GOLGA3: variants seen among roughly 807,000 people sequenced by gnomAD.
The protein encoded by GOLGA3 is golgin subfamily A member 3.
GOLGA3 carries 75 observed loss-of-function variants against 169.4 expected under a neutral mutation model. That is an observed-to-expected ratio of 0.44 (90% CI 0.37 to 0.54). The LOEUF (loss-of-function observed/expected upper bound fraction) is 0.54, where lower values mean the gene tolerates loss of function less well. Ranked by LOEUF, GOLGA3 falls within the 20% of genes least tolerant of loss-of-function variation. The pLI, the probability that GOLGA3 is intolerant of heterozygous loss-of-function variation, is 0.00. For missense variants in GOLGA3, 1,899 were observed against 1,930.0 expected, an observed-to-expected ratio of 0.98 and a Z score of 0.30; for synonymous variants, 824 against 822.4, an observed-to-expected ratio of 1.00 and a Z score of -0.03.
intron 4 of GOLGA3, among the ~76,000 whole-genome samples, chr12:132,812,204 CACACACACAT>C (rs1390069966): frequency 2.5e-5 from 3 of 118,780 alleles, no homozygotes; most frequent in African/African-American, 8.2e-5. Flanking sequence ...CACACACACA[CACACACACAT>C]ATATATATAT....
intron 18 of GOLGA3, among the ~76,000 whole-genome samples, chr12:132,779,069 T>G (rs1294232011): frequency 6.6e-6 from 1 of 152,254 alleles, no homozygotes; most frequent in African/African-American, 2.4e-5. Flanking sequence ...ACTGCTCCTG[T>G]TAAAATATTC....
Position 132,796,256 on chromosome 12 carries a change from A to T in GOLGA3, c.2101-36T>A, listed in dbSNP as rs780961705. On this transcript the variant is annotated intron_variant, in intron 10 of 23. Coordinates refer to ENST00000450791, the MANE Select transcript of GOLGA3 (RefSeq NM_001389683.1). ...AATGAAGCCCACATGGCTGCGCCTG[A>T]CCCTCCTCCGAGAGCGTATGCCCTT... 1.9e-6 allele frequency: 3 copies of T among 1,550,730 alleles called. No homozygotes were observed. In the Admixed American group the frequency reaches 5.5e-5, roughly 29 times the overall value.
Position 132,773,024 on chromosome 12 carries a change from A to G in GOLGA3, c.*81T>C. 2.8e-6 allele frequency: 3 copies of G among 1,068,474 alleles called. No homozygotes were observed. Among genetic ancestry groups the G allele is most frequent in the South Asian group, 1.7e-5 (1 of 58,116 alleles). The allele number at this position is 1,068,474 out of a possible 1,614,324, so 66.2% of individuals were successfully genotyped here. A position where few individuals can be genotyped will look rare whatever the true frequency, so the allele number is the denominator to read the frequency against. On this transcript the variant is annotated 3_prime_UTR_variant, in exon 24 of 24. Transcript: ENST00000450791. ...AAAACTTAAATTTCATGTCTTAGAA[A>G]AACATCGACCACACAATCAAATAAA...
In GOLGA3 at chr12:132,808,359, GT is replaced by G. The variant is rs143503197; in HGVS notation, c.709del (p.Thr237LeufsTer37). 6.2e-7 allele frequency: 1 copy of G among 1,614,076 alleles called. No homozygotes were observed. The highest frequency in any genetic ancestry group is 8.5e-7 in the Non-Finnish European group (1 of 1,179,996). ...AGACCGGATTTTGCTTGATTTGGAAGTTTTTTTCTCCCTAGGATGTGCCGGA... is the reference window on the plus strand; with the variant it reads ...AGACCGGATTTTGCTTGATTTGGAAGTTTTTTCTCCCTAGGATGTGCCGGA... Reference protein sequence around the residue: ...GLPAHPREKKTSKSSKIRSLA... With the variant: ...GLPAHPREKKXSKSSKIRSLA... On this transcript the variant is annotated frameshift_variant, in exon 5 of 24. Transcript: ENST00000450791. LOFTEE classifies it high-confidence loss of function.
At chr12:132,791,342 A>C (rs774775909) in intron 11 of GOLGA3, 49 bp from the exon 12 acceptor site, 1 of 1,036,488 alleles carries the variant, frequency 9.6e-7, no homozygotes, top group Non-Finnish European at 1.5e-6. Context: ...CCAGGAGGGG[A>C]ATCTGTCTGC....
rs540928515 is a variant in GOLGA3 at position 132,790,025 on chromosome 12, T to C, written c.2548-735A>G. Among the ~76,000 whole-genome samples the C allele has an allele frequency of 5.0e-3, 752 of 149,048 alleles. 6 individuals are homozygous for C. The highest frequency in any genetic ancestry group is 7.1e-3 in the Non-Finnish European group (479 of 67,516). On this transcript the variant is annotated intron_variant, in intron 12 of 23. Coordinates refer to ENST00000450791, the MANE Select transcript of GOLGA3 (RefSeq NM_001389683.1). Reference sequence around the variant, plus strand: ...TCCAGCCCGGGCGACACAGCCAGACTCTGTCTCAAAAAAACTAAATTACAG... The same window carrying C: ...TCCAGCCCGGGCGACACAGCCAGACCCTGTCTCAAAAAAACTAAATTACAG...
intron 23 of GOLGA3, 91 bp downstream of exon 23, chr12:132,774,066 G>T: frequency 8.2e-7 from 1 of 1,216,456 alleles, no homozygotes; most frequent in Non-Finnish European, 1.1e-6. Context: ...ACTCTGCTGG[G>T]CACTCAGTAC....
At chr12:132,808,673 C>A in intron 4 of GOLGA3, 124 bp from the exon 5 acceptor site, 1 of 774,720 alleles carries the variant, frequency 1.3e-6, no homozygotes. Context: ...AGCACCACCT[C>A]CCCAGCCCCT....
At chr12:132,791,681 C>T (rs554654780) in intron 11 of GOLGA3, among the ~76,000 whole-genome samples, 400 of 126,640 alleles carry the variant, frequency 3.2e-3, no homozygotes, top group African/African-American at 0.012. Flanking sequence ...GATGCATGTG[C>T]ATGAATATTA....
At chr12:132,783,454 G>A (rs1169438577) in intron 16 of GOLGA3, among the ~76,000 whole-genome samples, 1 of 61,128 alleles carries the variant, frequency 1.6e-5, no homozygotes, top group African/African-American at 4.9e-5. Flanking sequence ...CACAGCCAGA[G>A]AGTGGAACAG....
rs1020717077 is a variant in GOLGA3 at position 132,827,183 on chromosome 12, T to C, written c.-184+1620A>G. ...CGTTTCACCTGTTCCTATCGGGTAT[T>C]AGAAACAACAGAGCACAGCCAAAAA... On this transcript the variant is annotated intron_variant, in intron 1 of 23. Coordinates refer to ENST00000450791, the MANE Select transcript of GOLGA3 (RefSeq NM_001389683.1). 2.6e-5 allele frequency among the ~76,000 whole-genome samples: 4 copies of C among 152,324 alleles called. No homozygotes were observed. The East Asian group carries it at 5.8e-4, about 22-fold the overall frequency.
intron 15 of GOLGA3, among the ~76,000 whole-genome samples, chr12:132,785,892 C>T (rs1385274305): frequency 2.6e-5 from 4 of 152,200 alleles, no homozygotes; most frequent in South Asian, 2.1e-4. Flanking sequence ...TCTGGGCCAC[C>T]GCAGCATGGC....
intron 11 of GOLGA3, among the ~76,000 whole-genome samples, chr12:132,792,650 C>T (rs908194907): frequency 3.3e-5 from 5 of 151,030 alleles, no homozygotes; most frequent in African/African-American, 7.3e-5. Context: ...ACCGACCGCA[C>T]GGGACCTGCA....
chr12:132,787,974 G>A (rs1281655902), intron 13 of GOLGA3, among the ~76,000 whole-genome samples: 10 of 151,516 alleles, frequency 6.6e-5, no homozygotes, highest in Admixed American at 3.3e-4. Context: ...CCGCGTCCCC[G>A]ACCTGCTCCT....
intron 6 of GOLGA3, 90 bp from the exon 7 acceptor site, chr12:132,805,112 A>G (rs1290144966): frequency 4.3e-6 from 6 of 1,385,460 alleles, no homozygotes; most frequent in Admixed American, 2.2e-5. Context: ...CGAGTCAGTC[A>G]GGGCCTGACA....
chr12:132,825,721 G>C, intron 1 of GOLGA3: 1 of 1,525,930 alleles, frequency 6.6e-7, no homozygotes, highest in East Asian at 2.2e-5. Flanking sequence ...TTCAGACTGA[G>C]CGTGCCTACC....
rs1258428708 is a variant in GOLGA3 at position 132,804,275 on chromosome 12, A to AT, written c.1597+440dup. On this transcript the variant is annotated intron_variant, in intron 7 of 23. Transcript: ENST00000450791. This position sits in a 1 kb window ranked among gnomAD's most constrained non-coding sequence, Gnocchi z 4.1. ...TAAGTGGGCAGCTCTATACTCCCAA[A>AT]TAACACTGGACTTTTGAGGCAGGAT... is the stretch of plus-strand genomic sequence containing the variant. 2.2e-4 allele frequency among the ~76,000 whole-genome samples: 34 copies of AT among 152,190 alleles called. No homozygotes were observed. The highest frequency in any genetic ancestry group is 4.7e-4 in the Non-Finnish European group (32 of 68,032).
chr12:132,821,977 G>A lies in GOLGA3; in HGVS notation c.133+19C>T, dbSNP rs376131018. On this transcript the variant is annotated intron_variant, in intron 2 of 23. Transcript: ENST00000450791. ...CAGGTCCTCCTGTGACCAGCACACA[G>A]AGGAACCTCACGACTTACACTGGAC... is the stretch of plus-strand genomic sequence containing the variant. The A allele has an allele frequency of 3.9e-5, 61 of 1,575,998 alleles. No individual in the cohort carries two copies. The highest frequency in any genetic ancestry group is 3.3e-4 in the Admixed American group (18 of 54,794).
chr12:132,823,837 C>T lies in GOLGA3; in HGVS notation c.-183-1526G>A, dbSNP rs117407181. Among the ~76,000 whole-genome samples, 188 of 150,084 alleles carry T rather than the reference C, an allele frequency of 1.3e-3. 6 individuals are homozygous for T. In the East Asian group the frequency reaches 0.036, roughly 29 times the overall value. ...ATGGCTCATGCCTGTAATCCCATAA[C>T]TTTGGGGGGTCAAGGTGGGTGGATC... is the stretch of plus-strand genomic sequence containing the variant. On this transcript the variant is annotated intron_variant, in intron 1 of 23. Coordinates refer to ENST00000450791, the MANE Select transcript of GOLGA3 (RefSeq NM_001389683.1).
Sources: gnomAD v4.1 joint callset for allele counts (sites outside exome capture counted in the v4.1 genomes callset) on GRCh38, gnomAD v4.1.1 for gene constraint, Gnocchi (gnomAD v3.1) non-coding constraint, MANE v1.5 for transcripts, NCBI Gene and HGNC (gene_info 2026-07-23, HGNC 2026-07-21) for gene names.